CACNA1C: variants seen among roughly 807,000 people sequenced by gnomAD.
The protein encoded by CACNA1C is calcium voltage-gated channel subunit alpha1 C, also known as voltage-dependent L-type calcium channel subunit alpha-1C.
Under a neutral mutation model 229.0 loss-of-function variants are expected in CACNA1C, and 30 were observed. That is an observed-to-expected ratio of 0.13 (90% CI 0.10 to 0.18). CACNA1C has a LOEUF of 0.18. Ranked by LOEUF, CACNA1C falls within the 10% of genes least tolerant of loss-of-function variation. The pLI is 1.00. For missense variants in CACNA1C, 1,658 were observed against 2,845.0 expected (o/e 0.58, Z 9.49); for synonymous variants, 1,114 against 1,132.5 (o/e 0.98, Z 0.33).
chr12:2,620,466 A>G (rs216013), intron 29 of CACNA1C, among the ~76,000 whole-genome samples: 27,227 of 152,170 alleles, frequency 0.18, 2,624 homozygotes, highest in East Asian at 0.28. Context: ...GACAGAAAGA[A>G]AGAAAGCCAT....
chr12:1,984,398 G>C (rs1488034881), intron 1 of CACNA1C, among the ~76,000 whole-genome samples: 1 of 151,362 alleles, frequency 6.6e-6, no homozygotes. Context: ...CTTTTTAGTG[G>C]TTGCTCTAAG....
intron 3 of CACNA1C, among the ~76,000 whole-genome samples, chr12:2,409,928 G>T (rs1362483379): frequency 6.6e-6 from 1 of 152,238 alleles, no homozygotes; most frequent in South Asian, 2.1e-4. Flanking sequence ...GGAAAATGGG[G>T]CAGGAGAGGA....
At chr12:2,065,995 C>T (rs1449903741) in intron 1 of CACNA1C, among the ~76,000 whole-genome samples, 1 of 151,866 alleles carries the variant, frequency 6.6e-6, no homozygotes, top group Non-Finnish European at 1.5e-5. Flanking sequence ...CAATGGAGGG[C>T]CGTTTAAAGT....
chr12:2,643,247 C>T (rs764709920), intron 30 of CACNA1C, among the ~76,000 whole-genome samples: 49 of 152,206 alleles, frequency 3.2e-4, no homozygotes, highest in Admixed American at 1.3e-4. Context: ...CGTGGGTTTC[C>T]GACCTGGGGG....
chr12:2,604,326 A>G (rs2074242028), intron 22 of CACNA1C, among the ~76,000 whole-genome samples: 1 of 152,154 alleles, frequency 6.6e-6, no homozygotes, highest in African/African-American at 2.4e-5. Context: ...ACTGCTTCTA[A>G]GGCCGTCGTT....
chr12:2,607,687 T>C (rs1339756439), intron 26 of CACNA1C, among the ~76,000 whole-genome samples: 1 of 152,270 alleles, frequency 6.6e-6, no homozygotes, highest in Non-Finnish European at 1.5e-5. Context: ...CCGTGGGCCT[T>C]GCACGCTGCA....
At chr12:2,170,051 G>C (rs934684572) in intron 3 of CACNA1C, among the ~76,000 whole-genome samples, 1 of 152,110 alleles carries the variant, frequency 6.6e-6, no homozygotes, top group Non-Finnish European at 1.5e-5. Flanking sequence ...TCTCTGCCTG[G>C]TTTTTTCCAC....
intron 9 of CACNA1C, among the ~76,000 whole-genome samples, chr12:2,544,345 G>A (rs957348752): frequency 1.3e-5 from 2 of 152,204 alleles, no homozygotes; most frequent in Non-Finnish European, 2.9e-5. Context: ...AGGATAAGAG[G>A]ATGAAATATA....
intron 30 of CACNA1C, among the ~76,000 whole-genome samples, chr12:2,645,041 ATTAAG>A (rs753613484): frequency 2.0e-4 from 31 of 152,334 alleles, no homozygotes; most frequent in Non-Finnish European, 4.0e-4. Flanking sequence ...ACGTGAACAA[ATTAAG>A]TTAATTGCCC....
chr12:2,547,025 G>C (rs1834056220), intron 9 of CACNA1C, among the ~76,000 whole-genome samples: 1 of 152,134 alleles, frequency 6.6e-6, no homozygotes, highest in Non-Finnish European at 1.5e-5. Flanking sequence ...CTATTGGGTA[G>C]GGATGAAGGG....
At chr12:2,100,018 T>A (rs2075715376) in intron 1 of CACNA1C, among the ~76,000 whole-genome samples, 1 of 152,230 alleles carries the variant, frequency 6.6e-6, no homozygotes, top group African/African-American at 2.4e-5. Flanking sequence ...CGAATTTGGA[T>A]CCATTCTGCC....
chr12:2,176,594 C>T (rs1358185985), intron 3 of CACNA1C, among the ~76,000 whole-genome samples: 2 of 133,126 alleles, frequency 1.5e-5, no homozygotes, highest in East Asian at 4.5e-4. Context: ...GCAGCAAGTG[C>T]TTCACCTGTT....
At chr12:2,032,380 C>T (rs781548425) in intron 1 of CACNA1C, among the ~76,000 whole-genome samples, 3 of 152,120 alleles carry the variant, frequency 2.0e-5, no homozygotes, top group Admixed American at 6.5e-5. Flanking sequence ...CCAGGAGGCT[C>T]AAGCCCATGC....
rs2096151525 is a variant in CACNA1C, at chr12:2,666,870, T to G, written c.4623+88T>G. On this transcript the variant is annotated intron_variant, in intron 37 of 46. Transcript: ENST00000399655. The surrounding 1 kb of genome is among the most constrained non-coding windows in gnomAD (Gnocchi z 5.3). ...TTGTGATCCTTTAAGGGAATGAACATACTAGTTTATGTGCCTAAAGATTAC... is the reference window on the plus strand; with the variant it reads ...TTGTGATCCTTTAAGGGAATGAACAGACTAGTTTATGTGCCTAAAGATTAC... 1.3e-6 allele frequency: 1 copy of G among 795,272 alleles called. No individual in the cohort carries two copies. Among genetic ancestry groups the G allele is most frequent in the Admixed American group, 2.0e-5 (1 of 49,796 alleles). 49.3% of individuals were successfully genotyped at this position (795,272 alleles called of 1,614,324 possible). A position where few individuals can be genotyped will look rare whatever the true frequency, so the allele number is the denominator to read the frequency against.
At chr12:2,141,745 C>T (rs1277205279) in intron 3 of CACNA1C, among the ~76,000 whole-genome samples, 2 of 151,306 alleles carry the variant, frequency 1.3e-5, no homozygotes, top group African/African-American at 2.4e-5. Context: ...GGGAAAGGAG[C>T]GTGGAGACAG....
chr12:2,094,721 CAA>C (rs1185324719), intron 1 of CACNA1C, among the ~76,000 whole-genome samples: 1 of 152,084 alleles, frequency 6.6e-6, no homozygotes, highest in Non-Finnish European at 1.5e-5. Context: ...AAAAGTGACT[CAA>C]GAGGGAGAGC....
In CACNA1C at chr12:2,124,335, T is replaced by C. The variant is rs367560838; in HGVS notation, c.477+3905T>C. ...CAAGTTTCACATAGGTTGACATATT[T>C]GCATTGCGTCTCTCAAGAAGAGGAT... On this transcript the variant is annotated intron_variant, in intron 3 of 46. Coordinates refer to ENST00000399655, the MANE Select transcript of CACNA1C (RefSeq NM_000719.7). Among the ~76,000 whole-genome samples, 9 of 152,290 alleles carry C rather than the reference T, an allele frequency of 5.9e-5. No homozygotes were observed. In the East Asian group the frequency reaches 1.7e-3, roughly 29 times the overall value.
rs1402712301 is a variant in CACNA1C, at chr12:2,593,362, G to C, written c.2663+17G>C. ...TAACAACAGGTGTGCAGCAATGGTG[G>C]GGAAGGTGGGGTCCTGCTCTCTCTA... On this transcript the variant is annotated intron_variant, in intron 19 of 46. Coordinates refer to ENST00000399655, the MANE Select transcript of CACNA1C (RefSeq NM_000719.7). 5 of 1,612,932 alleles carry C rather than the reference G, an allele frequency of 3.1e-6. No individual in the cohort carries two copies. The highest frequency in any genetic ancestry group is 2.7e-5 in the African/African-American group (2 of 74,892).
chr12:2,566,561 A>T lies in CACNA1C; in HGVS notation c.1648A>T (p.Asn550Tyr). The change falls in exon 12 of 47, where the codon AAC becomes TAC. Residue 550 changes from asparagine to tyrosine, a missense_variant. Asn to Tyr is a moderately radical substitution (Grantham distance 143, BLOSUM62 -2). This residue lies in a region of CACNA1C where 149 missense variants were observed against 194.2 expected (regional missense o/e 0.77). Coordinates refer to ENST00000399655, the MANE Select transcript of CACNA1C (RefSeq NM_000719.7). This position sits in a 1 kb window ranked among gnomAD's most constrained non-coding sequence, Gnocchi z 4.0. The stretch of plus-strand genomic sequence containing the variant: ...TGCCTCTGAGCACTACAACCAGCCC[A>T]ACTGGCTCACAGAAGTCCAAGGTGA... ...TIASEHYNQP[N>Y]WLTEVQDTAN... 6.3e-7 allele frequency: 1 copy of T among 1,599,072 alleles called. No homozygotes were observed. The highest frequency in any genetic ancestry group is 8.5e-7 in the Non-Finnish European group (1 of 1,173,054).
Sources: gnomAD v4.1 joint callset for allele counts (sites outside exome capture counted in the v4.1 genomes callset) on GRCh38, gnomAD v4.1.1 for gene constraint, gnomAD v4.1.1 regional missense constraint, Gnocchi (gnomAD v3.1) non-coding constraint, MANE v1.5 for transcripts, NCBI Gene and HGNC (gene_info 2026-07-23, HGNC 2026-07-21) for gene names.